NSD3: variants seen among roughly 807,000 people sequenced by gnomAD.
NSD3 encodes the protein histone-lysine N-methyltransferase NSD3.
NSD3 carries 24 observed loss-of-function variants against 160.8 expected under a neutral mutation model. The observed-to-expected ratio is 0.15, with a 90% CI of 0.11 to 0.21. The LOEUF (loss-of-function observed/expected upper bound fraction) is 0.21, where lower values mean the gene tolerates loss of function less well. NSD3 is among the 10% of genes least tolerant of loss of function. The pLI is 1.00. For synonymous variants in NSD3, 520 were observed against 600.0 expected, an observed-to-expected ratio of 0.87 and a Z score of 1.95; for missense variants, 1,157 against 1,735.9, an observed-to-expected ratio of 0.67 and a Z score of 5.93.
At chr8:38,378,285 C>T (rs1005899031) in intron 1 of NSD3, among the ~76,000 whole-genome samples, 13 of 152,200 alleles carry the variant, frequency 8.5e-5, no homozygotes, top group African/African-American at 3.1e-4. Flanking sequence ...GTGGGCAGAT[C>T]ACGAGGTCAG....
intron 1 of NSD3, among the ~76,000 whole-genome samples, chr8:38,372,174 C>A (rs1811261749): frequency 6.6e-6 from 1 of 152,208 alleles, no homozygotes; most frequent in Middle Eastern, 3.4e-3. Context: ...ATAGACAAAT[C>A]GACATTTTCT....
intron 7 of NSD3, 145 bp downstream of exon 7, chr8:38,326,585 A>G: frequency 1.0e-6 from 1 of 1,000,642 alleles, no homozygotes; most frequent in Non-Finnish European, 1.3e-6. Flanking sequence ...TTTCCTATTA[A>G]AGTAACTGCT....
intron 1 of NSD3, 108 bp from the exon 2 acceptor site, chr8:38,348,323 C>T (rs1240108627): frequency 1.3e-6 from 1 of 755,178 alleles, no homozygotes; most frequent in Non-Finnish European, 2.0e-6. Flanking sequence ...ATTTTCATAT[C>T]CAGATATGCA....
At chr8:38,279,889 G>A (rs1293345132) in intron 20 of NSD3, 5 of 506,392 alleles carry the variant, frequency 9.9e-6, no homozygotes, top group Non-Finnish European at 1.4e-5. Context: ...GGATAAAGTG[G>A]GATTTAGTTG....
At chr8:38,349,655 ATTTC>A (rs1810623844) in intron 1 of NSD3, among the ~76,000 whole-genome samples, 1 of 100,262 alleles carries the variant, frequency 1.0e-5, no homozygotes, top group Non-Finnish European at 2.0e-5. Context: ...TTTTATTGTA[ATTTC>A]TTTCTTTATA....
In NSD3 at chr8:38,316,659, C is replaced by T; in HGVS notation, c.1856-617G>A. 4.7e-6 allele frequency: 5 copies of T among 1,053,470 alleles called. No homozygotes were observed. The highest frequency in any genetic ancestry group is 5.7e-6 in the Non-Finnish European group (5 of 871,920). 65.3% of individuals were successfully genotyped at this position (1,053,470 alleles called of 1,614,324 possible). A position where few individuals can be genotyped will look rare whatever the true frequency, so the allele number is the denominator to read the frequency against. On this transcript the variant is annotated intron_variant, in intron 9 of 23. Transcript: ENST00000317025. The surrounding 1 kb of genome is among the most constrained non-coding windows in gnomAD (Gnocchi z 4.5). Reference sequence around the variant, plus strand: ...CTGCAGCACATCTACATATGTCATGCCATTTAGAAGGCACATTGCTGAGGG... The same window carrying T: ...CTGCAGCACATCTACATATGTCATGTCATTTAGAAGGCACATTGCTGAGGG...
rs867923509 is a variant in NSD3 at position 38,277,212 on chromosome 8, G to C, written c.3868-712C>G. Among the ~76,000 whole-genome samples, 5 of 152,328 alleles carry C rather than the reference G, an allele frequency of 3.3e-5. No individual in the cohort carries two copies. The Middle Eastern group carries it at 0.014, about 414-fold the overall frequency. ...CTGCCTTGGCCTCCCAAAGAGCTAG[G>C]ATTACAGGCATGAGCCACTGCGCCT... On this transcript the variant is annotated intron_variant, in intron 22 of 23. Transcript: ENST00000317025.
rs751346600 is a variant in NSD3, at chr8:38,288,524, C to T, written c.3464G>A (p.Arg1155Lys). The T allele has an allele frequency of 2.5e-6, 4 of 1,614,218 alleles. No homozygotes were observed. Among genetic ancestry groups the T allele is most frequent in the South Asian group, 2.2e-5 (2 of 91,086 alleles). ...CCTTTTGGTCCTGAGGCCCCAGCCT[C>T]TCCGCTCCGTTTTGATGATCTCTGC... ...PDAEIIKTER[R>K]GWGLRTKRSI... The change falls in exon 19 of 24, where the codon AGA becomes AAA. Residue 1155 changes from arginine (R) to lysine (K), a missense_variant. By Grantham distance (26) the Arg-to-Lys change is conservative. This residue lies in a region of NSD3 where 222 missense variants were observed against 409.9 expected (regional missense o/e 0.54). Transcript: ENST00000317025. This position sits in a 1 kb window ranked among gnomAD's most constrained non-coding sequence, Gnocchi z 4.5.
intron 22 of NSD3, chr8:38,276,779 G>T: frequency 2.4e-6 from 1 of 415,148 alleles, no homozygotes; most frequent in African/African-American, 2.0e-5. Flanking sequence ...CGACCTCCTG[G>T]GCTCAAGCAA....
rs1476998059 is a variant in NSD3, at chr8:38,272,699, A to G, written c.*2942T>C. ...ACCACCATTAGCCCATGCTGCTTTA[A>G]GTTATTTCATTGTTGGACAAGAATA... On this transcript the variant is annotated 3_prime_UTR_variant, in exon 24 of 24. Transcript: ENST00000317025. 6.6e-6 allele frequency: 1 copy of G among 152,362 alleles called. No homozygotes were observed. The highest frequency in any genetic ancestry group is 1.9e-4 in the East Asian group (1 of 5,190). 9.4% of individuals were successfully genotyped at this position (152,362 alleles called of 1,614,324 possible). A position where few individuals can be genotyped will look rare whatever the true frequency, so the allele number is the denominator to read the frequency against.
rs1809686741 is a variant in NSD3 at position 38,317,140 on chromosome 8, G to C, written c.1856-1098C>G. 2 of 1,062,896 alleles carry C rather than the reference G, an allele frequency of 1.9e-6. No individual in the cohort carries two copies. Among genetic ancestry groups the C allele is most frequent in the South Asian group, 4.6e-5 (1 of 21,964 alleles). 65.8% of individuals were successfully genotyped at this position (1,062,896 alleles called of 1,614,324 possible). A position where few individuals can be genotyped will look rare whatever the true frequency, so the allele number is the denominator to read the frequency against. ...CATGAAGATCCGCAACAGGCTGAGT[G>C]AGAGTAGCACTTGGAACATAGCCAC... On this transcript the variant is annotated intron_variant, in intron 9 of 23. Coordinates refer to ENST00000317025, the MANE Select transcript of NSD3 (RefSeq NM_023034.2). The surrounding 1 kb of genome is among the most constrained non-coding windows in gnomAD (Gnocchi z 5.3).
intron 20 of NSD3, 100 bp from the exon 21 acceptor site, chr8:38,279,781 C>T (rs1194113282): frequency 7.4e-7 from 1 of 1,355,784 alleles, no homozygotes; most frequent in Non-Finnish European, 1.0e-6. Context: ...TTGCTACCAA[C>T]TGGTGTTTGA....
chr8:38,315,933 AG>A lies in NSD3; in HGVS notation c.1964del (p.Ser655LeufsTer4). ...TTACCTGCAGGTCACTCAGTCCTCT[AG>A]AATCGGAGTCAGATGTGTCTCTGTA... ...SAYRDTSDSDSRGLSDLQVGF... is the reference protein window; with the variant it reads ...SAYRDTSDSDXRGLSDLQVGF... On this transcript the variant is annotated frameshift_variant, in exon 10 of 24. Coordinates refer to ENST00000317025, the MANE Select transcript of NSD3 (RefSeq NM_023034.2). LOFTEE classifies it high-confidence loss of function. 1 of 1,613,870 alleles carries A rather than the reference AG, an allele frequency of 6.2e-7. No homozygotes were observed. Among genetic ancestry groups the A allele is most frequent in the Non-Finnish European group, 8.5e-7 (1 of 1,179,984 alleles).
chr8:38,322,230 G>A (rs1244276590), intron 7 of NSD3, among the ~76,000 whole-genome samples: 1 of 152,194 alleles, frequency 6.6e-6, no homozygotes, highest in African/African-American at 2.4e-5. Context: ...CCAAAATGAA[G>A]GATCCCACTA....
chr8:38,279,932 C>CATGG, intron 20 of NSD3: 1 of 417,256 alleles, frequency 2.4e-6, no homozygotes, highest in South Asian at 4.0e-5. Context: ...ACAAATAGAC[C>CATGG]ATGGAATAAT....
intron 7 of NSD3, among the ~76,000 whole-genome samples, chr8:38,326,078 G>A (rs1488761133): frequency 6.6e-6 from 1 of 151,840 alleles, no homozygotes; most frequent in Non-Finnish European, 1.5e-5. Flanking sequence ...AACCTGGGAG[G>A]TGGAGGTTGC....
At chr8:38,358,284 A>G (rs1032426785) in intron 1 of NSD3, among the ~76,000 whole-genome samples, 4 of 152,144 alleles carry the variant, frequency 2.6e-5, no homozygotes, top group Non-Finnish European at 5.9e-5. Flanking sequence ...TTACAGCTAG[A>G]AAAAAATGGT....
chr8:38,290,969 A>G (rs1000638504), intron 16 of NSD3, among the ~76,000 whole-genome samples: 4 of 152,268 alleles, frequency 2.6e-5, no homozygotes, highest in Admixed American at 1.3e-4. Flanking sequence ...CTACTACCCA[A>G]TGATATTCCA....
chr8:38,331,040 A>T (rs1810045989), intron 5 of NSD3, among the ~76,000 whole-genome samples: 1 of 152,254 alleles, frequency 6.6e-6, no homozygotes, highest in African/African-American at 2.4e-5. Context: ...TATTTTTAAA[A>T]GTTTACTTTC....
Sources: allele counts gnomAD v4.1 joint callset (sites outside exome capture counted in the v4.1 genomes callset), GRCh38; gene constraint gnomAD v4.1.1; regional missense constraint gnomAD v4.1.1; non-coding constraint Gnocchi (gnomAD v3.1); transcripts MANE v1.5; gene names NCBI Gene and HGNC (gene_info 2026-07-23, HGNC 2026-07-21).